CAMK1D: variants seen among roughly 807,000 people sequenced by gnomAD.
The protein encoded by CAMK1D is calcium/calmodulin dependent protein kinase ID.
In CAMK1D, 9 loss-of-function variants were observed where a neutral mutation model predicts 47.7. That is an observed-to-expected ratio of 0.19 (90% CI 0.11 to 0.33). CAMK1D has a LOEUF of 0.33. CAMK1D is among the 10% of genes least tolerant of loss of function. The pLI is 1.00. For missense variants in CAMK1D, 291 were observed against 488.7 expected (o/e 0.60, Z 3.81); for synonymous variants, 184 against 184.9 (o/e 0.99, Z 0.04).
At chr10:12,693,387 G>C (rs536024256) in intron 3 of CAMK1D, among the ~76,000 whole-genome samples, 3 of 151,806 alleles carry the variant, frequency 2.0e-5, no homozygotes, top group South Asian at 2.1e-4. Context: ...AAAGACTGAG[G>C]TTTTCCCAAA....
At chr10:12,686,351 C>T (rs188698732) in intron 3 of CAMK1D, among the ~76,000 whole-genome samples, 132 of 152,112 alleles carry the variant, frequency 8.7e-4, no homozygotes, top group South Asian at 2.3e-3. Flanking sequence ...GATGGAGTTT[C>T]GCTCCTGTTG....
intron 2 of CAMK1D, among the ~76,000 whole-genome samples, chr10:12,607,513 G>A (rs1483004604): frequency 1.3e-5 from 2 of 152,132 alleles, no homozygotes; most frequent in African/African-American, 2.4e-5. Flanking sequence ...AGCGGGTCCC[G>A]TGTCTGTCTG....
chr10:12,386,304 T>C (rs1006160697), intron 1 of CAMK1D, among the ~76,000 whole-genome samples: 1 of 151,986 alleles, frequency 6.6e-6, no homozygotes, highest in Admixed American at 6.6e-5. Context: ...TTGGGTATGG[T>C]GGTGTGTGCC....
At chr10:12,566,029 C>T (rs943965499) in intron 2 of CAMK1D, among the ~76,000 whole-genome samples, 3 of 152,164 alleles carry the variant, frequency 2.0e-5, no homozygotes, top group Non-Finnish European at 4.4e-5. Flanking sequence ...CATCAGACTC[C>T]TGCTTTAGAA....
intron 1 of CAMK1D, among the ~76,000 whole-genome samples, chr10:12,374,017 T>C (rs1200443662): frequency 1.3e-5 from 2 of 149,258 alleles, no homozygotes; most frequent in Non-Finnish European, 3.0e-5. Flanking sequence ...CCTAGCACTT[T>C]GGGAGGCTGA....
intron 1 of CAMK1D, among the ~76,000 whole-genome samples, chr10:12,524,734 C>T (rs1835564016): frequency 6.6e-6 from 1 of 152,046 alleles, no homozygotes; most frequent in Non-Finnish European, 1.5e-5. Context: ...TTAATTTTTG[C>T]TTTCAACAGT....
intron 1 of CAMK1D, among the ~76,000 whole-genome samples, chr10:12,450,568 C>T (rs1833054195): frequency 1.3e-5 from 2 of 152,156 alleles, no homozygotes; most frequent in Non-Finnish European, 2.9e-5. Flanking sequence ...CTGGGCTTGG[C>T]TTGTAGATTG....
At chr10:12,528,809 A>G (rs1440062457) in intron 1 of CAMK1D, among the ~76,000 whole-genome samples, 2 of 149,224 alleles carry the variant, frequency 1.3e-5, no homozygotes, top group Non-Finnish European at 3.0e-5. Context: ...TGATATGATC[A>G]TGGCTCATTG....
intron 6 of CAMK1D, among the ~76,000 whole-genome samples, chr10:12,805,336 CATG>C (rs1838679917): frequency 6.7e-6 from 1 of 150,096 alleles, no homozygotes; most frequent in African/African-American, 2.5e-5. Context: ...ACATTATAAT[CATG>C]ATAATAAGCC....
At chr10:12,386,888 A>C (rs1284309005) in intron 1 of CAMK1D, among the ~76,000 whole-genome samples, 2 of 152,160 alleles carry the variant, frequency 1.3e-5, no homozygotes, top group Non-Finnish European at 2.9e-5. Context: ...AAAAAATAAT[A>C]ATAATGTAGA....
intron 1 of CAMK1D, among the ~76,000 whole-genome samples, chr10:12,536,499 G>A (rs894472041): frequency 6.6e-6 from 1 of 152,044 alleles, no homozygotes; most frequent in East Asian, 1.9e-4. Flanking sequence ...GGCTGGCCTC[G>A]CTCTCCTGAG....
intron 6 of CAMK1D, among the ~76,000 whole-genome samples, chr10:12,791,460 C>G (rs1370194034): frequency 6.6e-6 from 1 of 152,122 alleles, no homozygotes; most frequent in East Asian, 1.9e-4. Flanking sequence ...GAAACTCTAC[C>G]CCTTACATAA....
intron 2 of CAMK1D, among the ~76,000 whole-genome samples, chr10:12,609,563 G>A (rs193119726): frequency 3.9e-5 from 6 of 152,246 alleles, no homozygotes; most frequent in East Asian, 1.9e-4. Context: ...CAAAAGGAGC[G>A]TGGAACCCAG....
At chr10:12,800,376 T>C (rs1426025347) in intron 6 of CAMK1D, among the ~76,000 whole-genome samples, 1 of 152,254 alleles carries the variant, frequency 6.6e-6, no homozygotes, top group Non-Finnish European at 1.5e-5. Flanking sequence ...TCTGTCATAT[T>C]ATACAGAGTA....
At chr10:12,393,489 T>C (rs1288127420) in intron 1 of CAMK1D, among the ~76,000 whole-genome samples, 8 of 152,208 alleles carry the variant, frequency 5.3e-5, no homozygotes, top group Non-Finnish European at 8.8e-5. Context: ...TAGATGTGTG[T>C]TACCACCATC....
intron 2 of CAMK1D, among the ~76,000 whole-genome samples, chr10:12,648,293 A>T (rs1364542523): frequency 1.3e-5 from 2 of 151,980 alleles, no homozygotes; most frequent in African/African-American, 4.8e-5. Flanking sequence ...GTTACTAGAG[A>T]CTTTTAAAAA....
chr10:12,487,158 C>A (rs1834243072), intron 1 of CAMK1D, among the ~76,000 whole-genome samples: 1 of 152,120 alleles, frequency 6.6e-6, no homozygotes, highest in Non-Finnish European at 1.5e-5. Context: ...CTTCTGATCC[C>A]CTTCCTCCTC....
At chr10:12,537,343 A>T (rs1373243150) in intron 1 of CAMK1D, among the ~76,000 whole-genome samples, 1 of 152,234 alleles carries the variant, frequency 6.6e-6, no homozygotes, top group Non-Finnish European at 1.5e-5. Context: ...AAGTGGTAGG[A>T]TTGCAGAAGT....
chr10:12,438,419 A>T (rs543668931), intron 1 of CAMK1D, among the ~76,000 whole-genome samples: 6 of 152,326 alleles, frequency 3.9e-5, no homozygotes, highest in African/African-American at 1.4e-4. Context: ...AAGATGAAAA[A>T]GGTATAATCC....
Sources: allele counts gnomAD v4.1 joint callset (sites outside exome capture counted in the v4.1 genomes callset), GRCh38; gene constraint gnomAD v4.1.1; transcripts MANE v1.5; gene names NCBI Gene and HGNC (gene_info 2026-07-23, HGNC 2026-07-21).